Variants in COL24A1 observed in about 807,000 individuals in gnomAD.
The protein encoded by COL24A1 is collagen alpha-1(XXIV) chain.
Under a neutral mutation model 253.9 loss-of-function variants are expected in COL24A1, and 224 were observed. That is an observed-to-expected ratio of 0.88 (90% CI 0.79 to 0.99). The LOEUF is 0.99. COL24A1 is among the 50% of genes least tolerant of loss of function. The probability of loss-of-function intolerance (pLI) is 0.00; values close to 1 mark genes in which losing one functional copy is unlikely to be tolerated. For missense variants in COL24A1, 2,131 were observed against 2,068.5 expected, an observed-to-expected ratio of 1.03 and a Z score of -0.59; for synonymous variants, 685 against 673.7, an observed-to-expected ratio of 1.02 and a Z score of -0.26.
intron 43 of COL24A1, among the ~76,000 whole-genome samples, chr1:85,836,331 T>A (rs1413709557): frequency 6.6e-6 from 1 of 152,222 alleles, no homozygotes; most frequent in Non-Finnish European, 1.5e-5. Flanking sequence ...CCACTAACAA[T>A]GTGAATGTAC....
chr1:86,060,638 A>C (rs1158718171), intron 8 of COL24A1, among the ~76,000 whole-genome samples: 2 of 151,994 alleles, frequency 1.3e-5, no homozygotes, highest in African/African-American at 4.8e-5. Context: ...TCCCTTGATC[A>C]AAATTAACAT....
At chr1:85,988,089 C>G (rs2100928955) in intron 19 of COL24A1, among the ~76,000 whole-genome samples, 1 of 120,854 alleles carries the variant, frequency 8.3e-6, no homozygotes, top group African/African-American at 3.2e-5. Flanking sequence ...ATGCAAACAA[C>G]TTCTGTCTGA....
intron 32 of COL24A1, among the ~76,000 whole-genome samples, chr1:85,881,311 TTGGTAA>T (rs1331858405): frequency 1.4e-4 from 22 of 152,184 alleles, no homozygotes; most frequent in African/African-American, 5.1e-4. Context: ...TATATGAGTT[TTGGTAA>T]AATACGTCTT....
chr1:86,071,813 T>G (rs1701892594), intron 7 of COL24A1, among the ~76,000 whole-genome samples: 1 of 152,146 alleles, frequency 6.6e-6, no homozygotes, highest in African/African-American at 2.4e-5. Flanking sequence ...ACCTCCACTT[T>G]CAGCAAGACT....
chr1:86,015,480 C>A (rs1696904507), intron 19 of COL24A1, among the ~76,000 whole-genome samples: 2 of 152,080 alleles, frequency 1.3e-5, no homozygotes, highest in Admixed American at 1.3e-4. Flanking sequence ...CGCATGCATC[C>A]TTTAACCAAG....
chr1:85,930,148 G>T (rs1262102983), intron 24 of COL24A1, among the ~76,000 whole-genome samples: 2 of 65,632 alleles, frequency 3.0e-5, no homozygotes, highest in African/African-American at 1.4e-4. Flanking sequence ...TCCAGGAGCT[G>T]GTTTTTTGAA....
chr1:85,840,843 A>G (rs929049108), intron 42 of COL24A1, among the ~76,000 whole-genome samples: 1 of 152,096 alleles, frequency 6.6e-6, no homozygotes, highest in Non-Finnish European at 1.5e-5. Context: ...TAAGAAGTAT[A>G]TAGATAAGAT....
In COL24A1 at chr1:85,970,234, C is replaced by T. The variant is rs1461909510; in HGVS notation, c.2456G>A (p.Gly819Glu). Reference protein sequence around the residue: ...EGPIGAFGELGPRGKPGQKGY... With the variant: ...EGPIGAFGELEPRGKPGQKGY... ...TATTTATATGATACCTACTCTTGGC[C>T]CCAGTTCCCCAAAGGCTCCAATTGG... The change falls in exon 22 of 60, where the codon GGG becomes GAG. Residue 819 changes from glycine (G) to glutamate (E), a missense_variant. Physicochemically the swap from Gly to Glu is moderately conservative, Grantham distance 98. Coordinates refer to ENST00000370571, the MANE Select transcript of COL24A1 (RefSeq NM_152890.7). The T allele has an allele frequency of 6.3e-7, 1 of 1,592,786 alleles. No homozygotes were observed. Among genetic ancestry groups the T allele is most frequent in the African/African-American group, 1.4e-5 (1 of 73,590 alleles).
intron 34 of COL24A1, 27 bp downstream of exon 34, chr1:85,875,250 A>C: frequency 6.2e-7 from 1 of 1,602,868 alleles, no homozygotes; most frequent in Non-Finnish European, 8.5e-7. Flanking sequence ...AAGTTTAGAG[A>C]TTCTCCTTTA....
intron 3 of COL24A1, among the ~76,000 whole-genome samples, chr1:86,118,370 C>T (rs1415103912): frequency 2.0e-5 from 3 of 152,072 alleles, no homozygotes; most frequent in Non-Finnish European, 2.9e-5. Context: ...GCCTAATTAA[C>T]TTTTTTAAGG....
intron 1 of COL24A1, among the ~76,000 whole-genome samples, chr1:86,149,980 C>T (rs1652520515): frequency 1.3e-5 from 2 of 152,184 alleles, no homozygotes; most frequent in African/African-American, 2.4e-5. Flanking sequence ...AAGTTTCTTA[C>T]AATGCATTCA....
chr1:85,900,835 G>C (rs1684213435), intron 28 of COL24A1, among the ~76,000 whole-genome samples: 1 of 152,092 alleles, frequency 6.6e-6, no homozygotes, highest in Non-Finnish European at 1.5e-5. Flanking sequence ...TTCAATAAAT[G>C]ATGTTAGGAA....
chr1:85,875,149 T>C (rs1680989946), intron 34 of COL24A1, 128 bp downstream of exon 34: 2 of 772,694 alleles, frequency 2.6e-6, no homozygotes, highest in East Asian at 5.4e-5. Context: ...TTCCAAAACA[T>C]TTCCTGTTTT....
chr1:86,067,298 G>A (rs531353216), intron 7 of COL24A1, among the ~76,000 whole-genome samples: 4 of 152,268 alleles, frequency 2.6e-5, no homozygotes, highest in African/African-American at 9.6e-5. Flanking sequence ...GAAGAGAGTG[G>A]GTTGGGTAGG....
rs1676582538 is a variant in COL24A1, at chr1:85,841,261, A to G, written c.3588T>C (p.Asp1196=). 2 of 1,600,592 alleles carry G rather than the reference A, an allele frequency of 1.2e-6. No individual in the cohort carries two copies. Among genetic ancestry groups the G allele is most frequent in the Non-Finnish European group, 8.5e-7 (1 of 1,174,602 alleles). Residue 1196 remains aspartate (D), a synonymous_variant, in exon 42 of 60, where the codon GAT becomes GAC. Coordinates refer to ENST00000370571, the MANE Select transcript of COL24A1 (RefSeq NM_152890.7). ...GCCCAGGTGGTCCTAGGACTGTGCT[A>G]TCTTCTCCTGGGTAGCCCTAAAATG... ...PKGEKGYPGE[D]STVLGPPGPR... is the part of the protein sequence containing the mutation.
At chr1:85,762,737 A>T (rs1214325116) in intron 53 of COL24A1, among the ~76,000 whole-genome samples, 1 of 152,220 alleles carries the variant, frequency 6.6e-6, no homozygotes, top group Admixed American at 6.5e-5. Context: ...ATGTAAAAAT[A>T]ATAAACAGTT....
At chr1:85,747,312 C>A (rs1665343702) in intron 55 of COL24A1, among the ~76,000 whole-genome samples, 1 of 151,758 alleles carries the variant, frequency 6.6e-6, no homozygotes, top group Non-Finnish European at 1.5e-5. Flanking sequence ...TGGAGTTTCA[C>A]CATGTTGGCC....
chr1:85,987,722 T>G (rs1238620458), intron 19 of COL24A1, 68 bp from the exon 20 acceptor site: 2 of 1,377,880 alleles, frequency 1.5e-6, no homozygotes, highest in South Asian at 2.5e-5. Flanking sequence ...GCATATAAAA[T>G]TCCCTTTGCT....
intron 2 of COL24A1, among the ~76,000 whole-genome samples, chr1:86,133,322 T>C (rs1193767229): frequency 3.3e-5 from 5 of 152,094 alleles, no homozygotes; most frequent in African/African-American, 4.8e-5. Flanking sequence ...CTTCCTCTTT[T>C]CCTAATTGAA....
Sources: gnomAD v4.1 joint callset for allele counts (sites outside exome capture counted in the v4.1 genomes callset) on GRCh38, gnomAD v4.1.1 for gene constraint, MANE v1.5 for transcripts, NCBI Gene and HGNC (gene_info 2026-07-23, HGNC 2026-07-21) for gene names.